Variants in PLXNA4 observed in about 807,000 individuals in gnomAD.
PLXNA4 encodes the protein plexin-A4.
Under a neutral mutation model 191.8 loss-of-function variants are expected in PLXNA4, and 44 were observed. The observed-to-expected ratio is 0.23, with a 90% confidence interval of 0.18 to 0.29. PLXNA4 has a LOEUF of 0.29. Among genes scored for constraint, PLXNA4 ranks in the 10% least tolerant of loss-of-function variants. The pLI, the probability that PLXNA4 is intolerant of heterozygous loss-of-function variation, is 1.00. For missense variants in PLXNA4, 1,800 were observed against 2,488.8 expected, an observed-to-expected ratio of 0.72 and a Z score of 5.89; for synonymous variants, 1,082 against 1,009.5, an observed-to-expected ratio of 1.07 and a Z score of -1.36.
rs1225948923 is a variant in PLXNA4, at chr7:132,127,633, T to C, written c.*2846A>G. ...AAGCAAGATGGGCTGTGGCTCTGGA[T>C]ACCTGGCTCAAATTTCTCAGTCCCC... On this transcript the variant is annotated 3_prime_UTR_variant, in exon 32 of 32. Transcript: ENST00000321063. 2.0e-5 allele frequency: 3 copies of C among 152,160 alleles called. No homozygotes were observed. The highest frequency in any genetic ancestry group is 4.8e-5 in the African/African-American group (2 of 41,448). The allele number at this position is 152,160 out of a possible 1,614,324, so 9.4% of individuals were successfully genotyped here. A position where few individuals can be genotyped will look rare whatever the true frequency, so the allele number is the denominator to read the frequency against.
intron 2 of PLXNA4, among the ~76,000 whole-genome samples, chr7:132,624,036 T>C (rs904381190): frequency 4.6e-5 from 7 of 152,352 alleles, no homozygotes; most frequent in Non-Finnish European, 1.0e-4. Flanking sequence ...ACAGTTTATA[T>C]AGTACTTTCC....
At chr7:132,292,839 G>T (rs965494149) in intron 4 of PLXNA4, among the ~76,000 whole-genome samples, 1 of 152,222 alleles carries the variant, frequency 6.6e-6, no homozygotes, top group African/African-American at 2.4e-5. Flanking sequence ...GGATATTTAT[G>T]TAGGGTGGCC....
chr7:132,207,891 C>G (rs1003801494), intron 10 of PLXNA4, among the ~76,000 whole-genome samples: 3 of 152,222 alleles, frequency 2.0e-5, no homozygotes, highest in Admixed American at 2.0e-4. Flanking sequence ...GTTCTTTGCT[C>G]AACCTTTGAT....
In PLXNA4 at chr7:132,127,363, A is replaced by G. The variant is rs989569068; in HGVS notation, c.*3116T>C. The G allele has an allele frequency of 1.3e-5, 2 of 152,130 alleles. No homozygotes were observed. The highest frequency in any genetic ancestry group is 4.8e-5 in the African/African-American group (2 of 41,424). 9.4% of individuals were successfully genotyped at this position (152,130 alleles called of 1,614,324 possible). A position where few individuals can be genotyped will look rare whatever the true frequency, so the allele number is the denominator to read the frequency against. ...TGAAGGGGCCTCCATCCCACAGGAC[A>G]AAGTTGGCCCAATTCCTTTCTCTGG... On this transcript the variant is annotated 3_prime_UTR_variant, in exon 32 of 32. Coordinates refer to ENST00000321063, the MANE Select transcript of PLXNA4 (RefSeq NM_020911.2).
chr7:132,428,026 A>T (rs1795115614), intron 3 of PLXNA4, among the ~76,000 whole-genome samples: 1 of 152,116 alleles, frequency 6.6e-6, no homozygotes, highest in Non-Finnish European at 1.5e-5. Flanking sequence ...GAGACGAGGC[A>T]TGGGGGAGGG....
chr7:132,359,454 T>C (rs1803847303), intron 3 of PLXNA4, among the ~76,000 whole-genome samples: 1 of 152,114 alleles, frequency 6.6e-6, no homozygotes, highest in Non-Finnish European at 1.5e-5. Flanking sequence ...TGACCTCAAG[T>C]GATCTGCCTG....
At chr7:132,534,792 C>T (rs1010197429) in intron 1 of PLXNA4, among the ~76,000 whole-genome samples, 1 of 152,140 alleles carries the variant, frequency 6.6e-6, no homozygotes, top group Non-Finnish European at 1.5e-5. Flanking sequence ...CATTACTGGG[C>T]GTGTTGAGGG....
intron 14 of PLXNA4, among the ~76,000 whole-genome samples, chr7:132,193,016 G>A (rs1191037620): frequency 1.3e-5 from 2 of 152,080 alleles, no homozygotes; most frequent in Non-Finnish European, 2.9e-5. Context: ...GGTGGGCAGG[G>A]GTTAATGAGG....
intron 5 of PLXNA4, among the ~76,000 whole-genome samples, chr7:132,237,061 A>G (rs1019675357): frequency 6.6e-6 from 1 of 152,238 alleles, no homozygotes; most frequent in Non-Finnish European, 1.5e-5. Flanking sequence ...AGTGTTCTAT[A>G]TCTTGATAGA....
intron 4 of PLXNA4, among the ~76,000 whole-genome samples, chr7:132,247,645 C>T (rs1584896308): frequency 6.6e-6 from 1 of 152,312 alleles, no homozygotes; most frequent in East Asian, 1.9e-4. Flanking sequence ...AGCATCTCCA[C>T]CCGCCTTCAT....
At chr7:132,530,902 T>C (rs1027341774) in intron 1 of PLXNA4, among the ~76,000 whole-genome samples, 3 of 152,184 alleles carry the variant, frequency 2.0e-5, no homozygotes, top group African/African-American at 4.8e-5. Flanking sequence ...TTCGGCCATA[T>C]AAAGAATGAA....
chr7:132,499,369 GCAAC>G (rs1482003513), intron 2 of PLXNA4, among the ~76,000 whole-genome samples: 1 of 152,230 alleles, frequency 6.6e-6, no homozygotes, highest in Non-Finnish European at 1.5e-5. Flanking sequence ...GGCTGGTTTA[GCAAC>G]CAACACCAGA....
chr7:132,552,896 A>T (rs75339619), intron 1 of PLXNA4, among the ~76,000 whole-genome samples: 14 of 151,638 alleles, frequency 9.2e-5, no homozygotes, highest in Non-Finnish European at 1.3e-4. Context: ...AAAAAAAAAA[A>T]TTTGCCTTGG....
intron 3 of PLXNA4, among the ~76,000 whole-genome samples, chr7:132,394,659 G>A (rs1023665576): frequency 2.6e-5 from 4 of 152,304 alleles, no homozygotes; most frequent in East Asian, 1.9e-4. Flanking sequence ...CACATCGCAC[G>A]CAACATGCAA....
At chr7:132,633,282 AT>A (rs10706159) in intron 2 of PLXNA4, among the ~76,000 whole-genome samples, 68,806 of 134,186 alleles carry the variant, frequency 0.51, 17,350 homozygotes, top group Non-Finnish European at 0.54. Flanking sequence ...TGAGGTTCTC[AT>A]TTTTTTTTTT....
chr7:132,253,163 T>C (rs544084815), intron 4 of PLXNA4, among the ~76,000 whole-genome samples: 1 of 152,254 alleles, frequency 6.6e-6, no homozygotes, highest in East Asian at 1.9e-4. Flanking sequence ...TAACCTTTAG[T>C]CTTTTAAACT....
chr7:132,186,943 A>G (rs1796898435), intron 15 of PLXNA4, among the ~76,000 whole-genome samples: 1 of 152,144 alleles, frequency 6.6e-6, no homozygotes, highest in African/African-American at 2.4e-5. Context: ...AAGATTCCAA[A>G]TGTTCCCAAT....
chr7:132,526,525 C>G (rs866870344), intron 1 of PLXNA4, among the ~76,000 whole-genome samples: 1 of 152,176 alleles, frequency 6.6e-6, no homozygotes, highest in Non-Finnish European at 1.5e-5. Flanking sequence ...TCAAAGGCCC[C>G]GCCAACCCAC....
At chr7:132,568,241 C>T (rs1801821570) in intron 1 of PLXNA4, among the ~76,000 whole-genome samples, 1 of 152,154 alleles carries the variant, frequency 6.6e-6, no homozygotes, top group Admixed American at 6.5e-5. Flanking sequence ...CCCCTGCTTC[C>T]CAGCAGCCGT....
Sources: allele counts gnomAD v4.1 joint callset (sites outside exome capture counted in the v4.1 genomes callset), GRCh38; gene constraint gnomAD v4.1.1; transcripts MANE v1.5; gene names NCBI Gene and HGNC (gene_info 2026-07-23, HGNC 2026-07-21).